C16orf96: variants seen among roughly 807,000 people sequenced by gnomAD.
The protein encoded by C16orf96 is uncharacterized protein C16orf96.
In C16orf96, 108 loss-of-function variants were observed where a neutral mutation model predicts 103.6. The ratio of observed to expected loss-of-function variants is 1.04; its 90% CI spans 0.89 to 1.22. The LOEUF (loss-of-function observed/expected upper bound fraction) is 1.22. Ranked by LOEUF, C16orf96 falls within the 50% of genes most tolerant of loss-of-function variation. C16orf96 has a pLI of 0.00. For missense variants in C16orf96, 1,586 were observed against 1,464.2 expected (o/e 1.08, Z -1.36); for synonymous variants, 566 against 593.5 (o/e 0.95, Z 0.67).
intron 6 of C16orf96, among the ~76,000 whole-genome samples, chr16:4,579,371 A>C (rs1414287437): frequency 6.6e-6 from 1 of 151,936 alleles, no homozygotes; most frequent in African/African-American, 2.4e-5. Context: ...TGGGCAACAT[A>C]GTGAGATCCC....
intron 9 of C16orf96, among the ~76,000 whole-genome samples, chr16:4,590,234 G>C (rs1175965444): frequency 6.6e-6 from 1 of 151,844 alleles, no homozygotes. Flanking sequence ...ACCAATCCTG[G>C]CAACATAGAG....
intron 2 of C16orf96, among the ~76,000 whole-genome samples, 155 bp downstream of exon 2, chr16:4,571,820 C>G (rs150349765): frequency 1.5e-4 from 23 of 152,128 alleles, no homozygotes; most frequent in Non-Finnish European, 2.5e-4. Flanking sequence ...GTGCCACCGA[C>G]TTCTCTGTGA....
chr16:4,588,979 C>G (rs2141752555), intron 9 of C16orf96, among the ~76,000 whole-genome samples: 1 of 152,178 alleles, frequency 6.6e-6, no homozygotes, highest in South Asian at 2.1e-4. Flanking sequence ...CTGTTCCAGT[C>G]TACTATGAGG....
the C16orf96 span, among the ~76,000 whole-genome samples, chr16:4,545,500 T>A: frequency 6.6e-6 from 1 of 151,938 alleles, no homozygotes; most frequent in Admixed American, 6.6e-5. Flanking sequence ...CCAAGCCGGG[T>A]TTCAGCAAGA....
chr16:4,556,487 A>G lies in C16orf96; in HGVS notation c.-3A>G, dbSNP rs1188725736. Reference sequence around the variant, plus strand: ...CCCAGCCCCACTGACCCACCCTGGCAGGATGAGCTTCTCACTCACGTTCAC... The same window carrying G: ...CCCAGCCCCACTGACCCACCCTGGCGGGATGAGCTTCTCACTCACGTTCAC... On this transcript the variant is annotated 5_prime_UTR_variant, in exon 1 of 16. Transcript: ENST00000444310. 5 of 1,520,926 alleles carry G rather than the reference A, an allele frequency of 3.3e-6. No homozygotes were observed. The South Asian group carries it at 5.0e-5, about 15-fold the overall frequency. 94.2% of individuals were successfully genotyped at this position (1,520,926 alleles called of 1,614,324 possible).
intron 1 of C16orf96, chr16:4,562,852 C>T: frequency 7.3e-7 from 1 of 1,376,738 alleles, no homozygotes; most frequent in South Asian, 1.2e-5. Flanking sequence ...GAAATCTGTT[C>T]TGTCAGCTGG....
At chr16:4,565,070 C>T (rs1416454253) in intron 1 of C16orf96, among the ~76,000 whole-genome samples, 1 of 152,166 alleles carries the variant, frequency 6.6e-6, no homozygotes, top group African/African-American at 2.4e-5. Flanking sequence ...AGTCTAGCTG[C>T]TTGTCTGAGG....
At chr16:4,598,373 AAAAG>A (rs1289413327) in intron 14 of C16orf96, among the ~76,000 whole-genome samples, 109 of 25,882 alleles carry the variant, frequency 4.2e-3, no homozygotes, top group Admixed American at 0.036. Flanking sequence ...AAGAAAAAAG[AAAAG>A]AAATGTCCAG....
chr16:4,566,893 G>C (rs2059389406), intron 1 of C16orf96, among the ~76,000 whole-genome samples: 1 of 152,000 alleles, frequency 6.6e-6, no homozygotes, highest in South Asian at 2.1e-4. Context: ...ATTTGAGTCT[G>C]ATTCTTGGCC....
chr16:4,594,283 T>C (rs543180714), intron 12 of C16orf96, 68 bp from the exon 13 acceptor site: 46 of 1,507,166 alleles, frequency 3.1e-5, no homozygotes, highest in South Asian at 6.2e-5. Flanking sequence ...GGCCAGGCCC[T>C]TGGGGCCCGT....
At chr16:4,576,901 A>C (rs1363835337) in intron 5 of C16orf96, among the ~76,000 whole-genome samples, 1 of 152,106 alleles carries the variant, frequency 6.6e-6, no homozygotes, top group African/African-American at 2.4e-5. Flanking sequence ...TACTCTCAAA[A>C]ACTCTTGTGG....
the C16orf96 span, among the ~76,000 whole-genome samples, chr16:4,550,926 G>T: frequency 1.3e-5 from 2 of 152,348 alleles, no homozygotes; most frequent in East Asian, 1.9e-4. Flanking sequence ...AATCCACGTT[G>T]TTGGCCTCTT....
intron 1 of C16orf96, among the ~76,000 whole-genome samples, chr16:4,569,644 A>G (rs887093068): frequency 4.0e-5 from 6 of 150,744 alleles, no homozygotes; most frequent in Non-Finnish European, 7.4e-5. Context: ...AGGTGGGAGA[A>G]TCACTTGAAC....
In C16orf96 at chr16:4,566,973, C is replaced by T. The variant is rs145922220; in HGVS notation, c.421-4588C>T. Among the ~76,000 whole-genome samples the T allele has an allele frequency of 4.9e-3, 752 of 151,964 alleles. 5 individuals are homozygous for T. The highest frequency in any genetic ancestry group is 0.016 in the African/African-American group (646 of 41,484). On this transcript the variant is annotated intron_variant, in intron 1 of 15. Coordinates refer to ENST00000444310, the MANE Select transcript of C16orf96 (RefSeq NM_001145011.2). Reference sequence around the variant, plus strand: ...CCAGTGTTTAGTTTCATTGATTTTTCTGTACTATTTTTTTATCCTCTATTT... The same window carrying T: ...CCAGTGTTTAGTTTCATTGATTTTTTTGTACTATTTTTTTATCCTCTATTT...
intron 2 of C16orf96, among the ~76,000 whole-genome samples, chr16:4,573,822 G>C (rs1194817474): frequency 6.6e-6 from 1 of 151,240 alleles, no homozygotes; most frequent in African/African-American, 2.4e-5. Context: ...AGGTGTTTTT[G>C]TTGTTGTTGT....
At position 4,594,801 on chromosome 16, in the gene C16orf96, C is replaced by G. The variant is rs1363428946; in HGVS notation, c.3125C>G (p.Ala1042Gly). Residue 1042 changes from alanine to glycine, a missense_variant and splice_region_variant, in exon 14 of 16, where the codon GCA becomes GGA. Physicochemically the swap from Ala to Gly is moderately conservative, Grantham distance 60. Transcript: ENST00000444310. ...CCCTTGGCCGTCGCAAAGGAGCTGG[C>G]AGGTGAGGGGCGTAGGGCTCCCTGG... Reference protein sequence around the residue: ...AQPLAVAKELAAVKAPSPPSQ... With the variant: ...AQPLAVAKELGAVKAPSPPSQ... 6.5e-7 allele frequency: 1 copy of G among 1,549,948 alleles called. No individual in the cohort carries two copies. The highest frequency in any genetic ancestry group is 8.7e-7 in the Non-Finnish European group (1 of 1,146,816).
chr16:4,588,756 C>T (rs1488646237), intron 9 of C16orf96, among the ~76,000 whole-genome samples: 1 of 137,286 alleles, frequency 7.3e-6, no homozygotes, highest in Non-Finnish European at 1.5e-5. Context: ...GCACCTGCCC[C>T]ATACATAGTC....
intron 6 of C16orf96, 25 bp from the exon 7 acceptor site, chr16:4,579,990 G>C: frequency 9.8e-6 from 15 of 1,535,658 alleles, no homozygotes; most frequent in Non-Finnish European, 1.3e-5. Context: ...CAGAGGCCTG[G>C]GGTGTCTGTG....
intron 15 of C16orf96, 128 bp from the exon 16 acceptor site, chr16:4,599,972 C>T (rs1003581093): frequency 4.1e-5 from 39 of 960,414 alleles, no homozygotes; most frequent in African/African-American, 1.2e-4. Flanking sequence ...GGTGCCCAGC[C>T]GGCCATGGCC....
Sources: allele counts gnomAD v4.1 joint callset (sites outside exome capture counted in the v4.1 genomes callset), GRCh38; gene constraint gnomAD v4.1.1; transcripts MANE v1.5; gene names NCBI Gene and HGNC (gene_info 2026-07-23, HGNC 2026-07-21).